The following HMGCLL1 variants were observed in gnomAD, a reference collection of about 807,000 sequenced individuals.
The protein encoded by HMGCLL1 is 3-hydroxy-3-methylglutaryl-CoA lyase like 1, also known as 3-hydroxymethyl-3-methylglutaryl-CoA lyase, cytoplasmic.
Under a neutral mutation model 39.1 loss-of-function variants are expected in HMGCLL1, and 36 were observed. The observed-to-expected ratio is 0.92, with a 90% CI of 0.71 to 1.22. The LOEUF is 1.22. HMGCLL1 is among the 50% of genes most tolerant of loss of function. The pLI is 0.00. For missense variants in HMGCLL1, 451 were observed against 416.5 expected, an observed-to-expected ratio of 1.08 and a Z score of -0.72; for synonymous variants, 149 against 144.0, an observed-to-expected ratio of 1.03 and a Z score of -0.25.
At chr6:55,660,472 G>C in the HMGCLL1 span, among the ~76,000 whole-genome samples, 6 of 151,828 alleles carry the variant, frequency 4.0e-5, no homozygotes, top group Non-Finnish European at 8.8e-5. Flanking sequence ...TGCCGTATTT[G>C]GTTTTCTGTT....
At chr6:55,636,378 T>C in the HMGCLL1 span, among the ~76,000 whole-genome samples, 1 of 152,088 alleles carries the variant, frequency 6.6e-6, no homozygotes, top group East Asian at 1.9e-4. Context: ...ATGAGTAAAA[T>C]GTACAGTAAC....
intron 1 of HMGCLL1, among the ~76,000 whole-genome samples, chr6:55,549,165 C>T (rs1204271794): frequency 6.6e-6 from 1 of 151,390 alleles, no homozygotes; most frequent in Non-Finnish European, 1.5e-5. Flanking sequence ...ATCATTATTG[C>T]TATATTGAAG....
intron 6 of HMGCLL1, among the ~76,000 whole-genome samples, chr6:55,497,560 A>C (rs1766645565): frequency 6.6e-6 from 1 of 152,158 alleles, no homozygotes; most frequent in Admixed American, 6.6e-5. Flanking sequence ...TCAAGTGAGG[A>C]TAGATCTTAG....
At chr6:55,506,779 A>T (rs4275061) in intron 5 of HMGCLL1, among the ~76,000 whole-genome samples, 3 of 151,328 alleles carry the variant, frequency 2.0e-5, no homozygotes, top group African/African-American at 7.3e-5. Flanking sequence ...ACTTGGATAC[A>T]CCAAAAAGAA....
At chr6:55,532,815 T>A (rs1440924912) in intron 3 of HMGCLL1, among the ~76,000 whole-genome samples, 709 of 33,068 alleles carry the variant, frequency 0.021, 9 homozygotes, top group South Asian at 0.12. Context: ...ATAATAATAA[T>A]AATAATAATA....
the HMGCLL1 span, among the ~76,000 whole-genome samples, chr6:55,598,702 T>A: frequency 6.6e-6 from 1 of 152,304 alleles, no homozygotes; most frequent in East Asian, 1.9e-4. Context: ...TTATTGTTAG[T>A]TTTCAAGCTT....
intron 7 of HMGCLL1, among the ~76,000 whole-genome samples, chr6:55,454,873 TA>T (rs771502619): frequency 6.6e-6 from 1 of 152,142 alleles, no homozygotes; most frequent in African/African-American, 2.4e-5. Flanking sequence ...ATTTGGGGGG[TA>T]AACTTCAGAA....
chr6:55,672,615 T>G, the HMGCLL1 span, among the ~76,000 whole-genome samples: 2 of 151,908 alleles, frequency 1.3e-5, no homozygotes, highest in East Asian at 1.9e-4. Context: ...TTGGAATACT[T>G]TGCAAATCAC....
chr6:55,502,988 C>CT (rs35456401), intron 5 of HMGCLL1, among the ~76,000 whole-genome samples: 148,722 of 151,818 alleles, frequency 0.98, 72,920 homozygotes, highest in Middle Eastern at 1. Flanking sequence ...AAGTTTTTTT[C>CT]GTTGTCTCCT....
At chr6:55,520,956 A>G (rs969700505) in intron 3 of HMGCLL1, among the ~76,000 whole-genome samples, 1 of 152,034 alleles carries the variant, frequency 6.6e-6, no homozygotes, top group African/African-American at 2.4e-5. Flanking sequence ...AATCATCACA[A>G]TATTTGCGTA....
chr6:55,532,803 ACATAATAATAATAAT>A (rs202082576), intron 3 of HMGCLL1, among the ~76,000 whole-genome samples: 9,577 of 138,392 alleles, frequency 0.069, 495 homozygotes, highest in East Asian at 0.21. Flanking sequence ...TCTGTCTCAA[ACATAATAATAATAAT>A]AATAATAATA....
intron 3 of HMGCLL1, among the ~76,000 whole-genome samples, chr6:55,520,785 T>TA (rs1767996342): frequency 1.3e-5 from 2 of 152,028 alleles, no homozygotes; most frequent in African/African-American, 4.8e-5. Context: ...TTTTTAAATT[T>TA]AAAATGATAA....
the HMGCLL1 span, among the ~76,000 whole-genome samples, chr6:55,627,943 TA>T: frequency 5.3e-5 from 1 of 18,828 alleles, no homozygotes; most frequent in African/African-American, 2.3e-4. Flanking sequence ...ATATATATAG[TA>T]TATATACTAT....
At chr6:55,521,723 A>C (rs1768052327) in intron 3 of HMGCLL1, among the ~76,000 whole-genome samples, 1 of 151,992 alleles carries the variant, frequency 6.6e-6, no homozygotes, top group Non-Finnish European at 1.5e-5. Flanking sequence ...CCGTCTCCTT[A>C]GGCCTCCCCA....
the HMGCLL1 span, among the ~76,000 whole-genome samples, chr6:55,594,260 T>C: frequency 6.6e-6 from 1 of 152,230 alleles, no homozygotes; most frequent in Non-Finnish European, 1.5e-5. Flanking sequence ...AGTTCAAATG[T>C]CTGGGTTTCC....
the HMGCLL1 span, among the ~76,000 whole-genome samples, chr6:55,601,672 G>A: frequency 6.6e-6 from 1 of 151,900 alleles, no homozygotes; most frequent in African/African-American, 2.4e-5. Context: ...TTTTTTCCTT[G>A]TAAGTCCATT....
the HMGCLL1 span, among the ~76,000 whole-genome samples, chr6:55,655,795 C>G: frequency 6.6e-6 from 1 of 151,914 alleles, no homozygotes; most frequent in Non-Finnish European, 1.5e-5. Context: ...TAATTGTTAT[C>G]TTAGATGACC....
chr6:55,649,214 C>T, the HMGCLL1 span, among the ~76,000 whole-genome samples: 1 of 152,050 alleles, frequency 6.6e-6, no homozygotes, highest in Non-Finnish European at 1.5e-5. Flanking sequence ...CACTCATTAA[C>T]ATTCTTTTCT....
In HMGCLL1 at chr6:55,448,671, T is replaced by C. The variant is rs140144788; in HGVS notation, c.796-9112A>G. ...TCTCAGAATCATCTGCTTTTGCCTG[T>C]TGTTGATTGGATAATGCTCCTATCA... On this transcript the variant is annotated intron_variant, in intron 7 of 8. Transcript: ENST00000274901. Among the ~76,000 whole-genome samples, 18 of 152,274 alleles carry C rather than the reference T, an allele frequency of 1.2e-4. No individual in the cohort carries two copies. The East Asian group carries it at 3.3e-3, about 28-fold the overall frequency.
Sources: allele counts gnomAD v4.1 joint callset (sites outside exome capture counted in the v4.1 genomes callset), GRCh38; gene constraint gnomAD v4.1.1; transcripts MANE v1.5; gene names NCBI Gene and HGNC (gene_info 2026-07-23, HGNC 2026-07-21).